MYO16: variants seen among roughly 807,000 people sequenced by gnomAD.
MYO16 encodes the protein myosin XVI, also known as unconventional myosin-XVI.
A neutral mutation model predicts 205.3 loss-of-function variants in MYO16; 94 were observed. The ratio of observed to expected loss-of-function variants is 0.46; its 90% CI spans 0.39 to 0.54. The LOEUF (loss-of-function observed/expected upper bound fraction) is 0.54. Ranked by LOEUF, MYO16 falls within the 20% of genes least tolerant of loss-of-function variation. MYO16 has a pLI of 0.00. For missense variants in MYO16, 2,315 were observed against 2,387.5 expected (o/e 0.97, Z 0.63); for synonymous variants, 988 against 954.0 (o/e 1.04, Z -0.66).
At chr13:108,969,742 C>G (rs1883938780) in intron 20 of MYO16, among the ~76,000 whole-genome samples, 1 of 152,202 alleles carries the variant, frequency 6.6e-6, no homozygotes, top group Non-Finnish European at 1.5e-5. Flanking sequence ...TCAATCACCT[C>G]TCTGCCCGAC....
intron 23 of MYO16, among the ~76,000 whole-genome samples, chr13:109,036,800 A>G (rs536015418): frequency 1.3e-5 from 2 of 152,208 alleles, no homozygotes; most frequent in Non-Finnish European, 2.9e-5. Context: ...ATAAATACAT[A>G]AAGCCTGAAG....
At chr13:109,066,070 G>T (rs1018696833) in intron 27 of MYO16, among the ~76,000 whole-genome samples, 1 of 152,126 alleles carries the variant, frequency 6.6e-6, no homozygotes, top group Non-Finnish European at 1.5e-5. Flanking sequence ...CACAGTTGTT[G>T]CTGAAAAGCC....
chr13:109,023,147 A>C (rs978001415), intron 23 of MYO16, among the ~76,000 whole-genome samples: 1 of 130,490 alleles, frequency 7.7e-6, no homozygotes, highest in Non-Finnish European at 1.5e-5. Context: ...GTATATGTTT[A>C]TGTATTATAT....
Position 108,937,322 on chromosome 13 carries a change from T to C in MYO16, c.1926-20366T>C, listed in dbSNP as rs535270150. Among the ~76,000 whole-genome samples, 3 of 152,230 alleles carry C rather than the reference T, an allele frequency of 2.0e-5. No individual in the cohort carries two copies. In the East Asian group the frequency reaches 5.8e-4, roughly 29 times the overall value. On this transcript the variant is annotated intron_variant, in intron 16 of 34. Transcript: ENST00000457511. ...TTTTTTCTTTAGTATTGATTTTGGT[T>C]AGTCTGGTAACTATATACCTCGGTG...
the MYO16 span, among the ~76,000 whole-genome samples, chr13:108,502,610 C>G: frequency 6.6e-6 from 1 of 151,996 alleles, no homozygotes; most frequent in Admixed American, 6.5e-5. Flanking sequence ...AAAATAAACC[C>G]AGGAGGCTAA....
chr13:108,665,760 A>C, intron 1 of MYO16, 126 bp from the exon 2 acceptor site: 1 of 992,066 alleles, frequency 1.0e-6, no homozygotes, highest in Non-Finnish European at 1.4e-6. Flanking sequence ...TGCAATATCA[A>C]GTGCAAGGAG....
chr13:108,774,005 C>T (rs760793379), intron 4 of MYO16, among the ~76,000 whole-genome samples: 1 of 152,060 alleles, frequency 6.6e-6, no homozygotes, highest in Non-Finnish European at 1.5e-5. Flanking sequence ...GCAGGAGAAT[C>T]GCTTTCACCT....
chr13:108,544,133 T>C, the MYO16 span, among the ~76,000 whole-genome samples: 10 of 151,058 alleles, frequency 6.6e-5, no homozygotes, highest in African/African-American at 2.4e-4. Flanking sequence ...TCCCATACTA[T>C]ACGATGTTAG....
intron 4 of MYO16, among the ~76,000 whole-genome samples, chr13:108,732,533 A>G (rs541700221): frequency 1.1e-4 from 16 of 152,260 alleles, no homozygotes; most frequent in Admixed American, 5.9e-4. Context: ...GGGTCTGTGT[A>G]TTGGAGGGAC....
chr13:108,778,156 G>C (rs1193533878), intron 4 of MYO16, among the ~76,000 whole-genome samples: 2 of 152,148 alleles, frequency 1.3e-5, no homozygotes, highest in African/African-American at 2.4e-5. Flanking sequence ...GCAGAAACAG[G>C]GGGTAGTTAC....
chr13:108,878,504 G>GCAT (rs1300108855), intron 12 of MYO16, among the ~76,000 whole-genome samples: 1 of 152,090 alleles, frequency 6.6e-6, no homozygotes, highest in Non-Finnish European at 1.5e-5. Flanking sequence ...TAAAACCCCT[G>GCAT]CATTCACCAT....
intron 1 of MYO16, among the ~76,000 whole-genome samples, chr13:108,638,583 C>A (rs1431377239): frequency 6.6e-6 from 1 of 152,054 alleles, no homozygotes; most frequent in Non-Finnish European, 1.5e-5. Flanking sequence ...TCGCTGCTTG[C>A]TTTTCTGAAA....
chr13:109,174,668 C>A (rs1188772849), intron 33 of MYO16, among the ~76,000 whole-genome samples: 1 of 151,774 alleles, frequency 6.6e-6, no homozygotes, highest in Non-Finnish European at 1.5e-5. Flanking sequence ...ACAGATTTGA[C>A]TAATAGATTC....
intron 11 of MYO16, among the ~76,000 whole-genome samples, chr13:108,857,092 GT>G: frequency 6.6e-6 from 1 of 152,066 alleles, no homozygotes; most frequent in East Asian, 1.9e-4. Flanking sequence ...TCCTTAGACT[GT>G]TTTTTTGTTT....
chr13:109,116,925 A>T (rs948299071), intron 28 of MYO16, among the ~76,000 whole-genome samples: 1 of 152,176 alleles, frequency 6.6e-6, no homozygotes, highest in African/African-American at 2.4e-5. Context: ...TTTTTGATGT[A>T]GTGATGCCTA....
intron 4 of MYO16, among the ~76,000 whole-genome samples, chr13:108,744,904 T>C (rs1427740991): frequency 6.6e-6 from 1 of 152,234 alleles, no homozygotes; most frequent in Non-Finnish European, 1.5e-5. Flanking sequence ...TTACCATCAC[T>C]AGAATCTATA....
the MYO16 span, among the ~76,000 whole-genome samples, chr13:108,504,756 C>T: frequency 8.7e-5 from 13 of 149,352 alleles, no homozygotes; most frequent in Admixed American, 4.0e-4. Flanking sequence ...AGGATGGTCT[C>T]GATCTCTTGA....
At chr13:108,785,827 T>A in intron 5 of MYO16, 84 bp downstream of exon 5, 1 of 867,222 alleles carries the variant, frequency 1.2e-6, no homozygotes, top group Non-Finnish European at 1.8e-6. Context: ...TTTGCTTACA[T>A]GATTTCCGAT....
the MYO16 span, among the ~76,000 whole-genome samples, chr13:108,582,575 G>A: frequency 1.3e-5 from 2 of 152,210 alleles, no homozygotes; most frequent in African/African-American, 4.8e-5. Flanking sequence ...CAGTGCTGCA[G>A]GAAGAGAAAA....
Sources: allele counts gnomAD v4.1 joint callset (sites outside exome capture counted in the v4.1 genomes callset), GRCh38; gene constraint gnomAD v4.1.1; transcripts MANE v1.5; gene names NCBI Gene and HGNC (gene_info 2026-07-23, HGNC 2026-07-21).